Variants in CACNA1F observed in about 807,000 individuals in gnomAD.
CACNA1F encodes the protein calcium voltage-gated channel subunit alpha1 F, also known as voltage-dependent L-type calcium channel subunit alpha-1F.
In CACNA1F, 59 loss-of-function variants were observed where a neutral mutation model predicts 143.8. The observed-to-expected ratio is 0.41, with a 90% CI of 0.33 to 0.51. CACNA1F has a LOEUF of 0.51. Ranked by LOEUF, CACNA1F falls within the 20% of genes least tolerant of loss-of-function variation. The probability of loss-of-function intolerance (pLI) is 0.22; values close to 1 mark genes in which losing one functional copy is unlikely to be tolerated. For synonymous variants in CACNA1F, 643 were observed against 649.1 expected (o/e 0.99, Z 0.14); for missense variants, 1,411 against 1,647.5 (o/e 0.86, Z 2.48).
intron 14 of CACNA1F, among the ~76,000 whole-genome samples, chrX:49,224,113 G>A (rs1425869601): frequency 9.0e-6 from 1 of 110,994 alleles, no homozygotes; most frequent in Non-Finnish European, 1.9e-5. Context: ...GGATGGGGTT[G>A]TGATGTATTT....
In CACNA1F at chrX:49,224,788, C is replaced by T. The variant is rs200585761; in HGVS notation, c.1850G>A (p.Arg617His). ...PLGISVLRCV[R>H]LLRIFKVTRH... ...GGTGACCTTAAAGATCCTGAGGAGGCGCACACATCGGAGCACTGAGATGCC... is the reference window on the plus strand; with the variant it reads ...GGTGACCTTAAAGATCCTGAGGAGGTGCACACATCGGAGCACTGAGATGCC... Residue 617 changes from arginine to histidine, a missense_variant, in exon 14 of 48, where the codon CGC becomes CAC. This residue lies in a region of CACNA1F where 950 missense variants were observed against 1,128.1 expected (regional missense o/e 0.84). Transcript: ENST00000323022. 8.5e-6 allele frequency: 10 copies of T among 1,180,261 alleles called. No homozygotes were observed. The highest frequency in any genetic ancestry group is 2.4e-5 in the Admixed American group (1 of 41,832).
At chrX:49,224,023 C>T (rs1265485716) in intron 14 of CACNA1F, among the ~76,000 whole-genome samples, 1 of 111,333 alleles carries the variant, frequency 9.0e-6, no homozygotes, top group Non-Finnish European at 1.9e-5. Flanking sequence ...TGAGCCACCG[C>T]ATCCAGCCTA....
chrX:49,219,292 C>G, intron 21 of CACNA1F, 29 bp downstream of exon 21: 2 of 1,201,430 alleles, frequency 1.7e-6, no homozygotes, highest in Non-Finnish European at 2.2e-6. Context: ...AGTGTCCCCT[C>G]AGCTCCTAGC....
chrX:49,214,348 C>T, intron 29 of CACNA1F, 79 bp from the exon 30 acceptor site: 1 of 616,687 alleles, frequency 1.6e-6, no homozygotes, highest in Non-Finnish European at 2.8e-6. Context: ...CTGGCCTGGG[C>T]TGAGACGAGT....
Position 49,230,276 on chromosome X carries a change from A to G in CACNA1F, c.761T>C (p.Ile254Thr), listed in dbSNP as rs202029187. The G allele has an allele frequency of 1.0e-4, 120 of 1,205,765 alleles. No homozygotes were observed. The highest frequency in any genetic ancestry group is 2.4e-4 in the African/African-American group (14 of 57,192). ...TCGTCCAAGGAACAGCTCGAGCCCA[A>G]TGATGGCATAAATGATGATGACGAA... ...VLFVIIIYAI[I>T]GLELFLGRMH... The change falls in exon 6 of 48, where the codon ATT (isoleucine) becomes ACT (threonine). Residue 254 changes from isoleucine (I) to threonine (T), a missense_variant. Coordinates refer to ENST00000323022, the MANE Select transcript of CACNA1F (RefSeq NM_001256789.3).
chrX:49,210,948 G>A lies in CACNA1F; in HGVS notation c.4388+17C>T. 8.3e-7 allele frequency: 1 copy of A among 1,200,594 alleles called. No homozygotes were observed. The highest frequency in any genetic ancestry group is 1.1e-6 in the Non-Finnish European group (1 of 888,597). ...ACATTGTCCCCTGGATTCTAGGTAA[G>A]GGTATAGAGGGCATACTTGGCCCCA... On this transcript the variant is annotated intron_variant, in intron 37 of 47. Coordinates refer to ENST00000323022, the MANE Select transcript of CACNA1F (RefSeq NM_001256789.3).
chrX:49,209,639 G>T lies in CACNA1F; in HGVS notation c.4811C>A (p.Ser1604Tyr), dbSNP rs1557105726. The change falls in exon 41 of 48, where the codon TCC (serine) becomes TAC (tyrosine). Residue 1604 changes from serine (S) to tyrosine (Y), a missense_variant. This residue lies in a region of CACNA1F where 349 missense variants were observed against 350.2 expected (regional missense o/e 1.00). Coordinates refer to ENST00000323022, the MANE Select transcript of CACNA1F (RefSeq NM_001256789.3). ...LGNDAAPSTS[S>Y]ALQAGLRSLQ... ...CCCTGCCCCGAAGACCTGAAGGGCG[G>T]AAGAGGTGCTAGGGGCGGCGTCGTT... 3.3e-6 allele frequency: 4 copies of T among 1,211,558 alleles called. No homozygotes were observed. In the South Asian group the frequency reaches 5.3e-5, roughly 16 times the overall value.
chrX:49,231,229 G>T lies in CACNA1F; in HGVS notation c.354C>A (p.Asp118Glu). 1 of 1,162,916 alleles carries T rather than the reference G, an allele frequency of 8.6e-7. No individual in the cohort carries two copies. The highest frequency in any genetic ancestry group is 1.2e-6 in the Non-Finnish European group (1 of 868,580). ...ALGVYIPFPE[D>E]DSNTANHNLE... is the part of the protein sequence containing the mutation. The stretch of plus-strand genomic sequence containing the variant: ...GGTTGTGGTTGGCAGTGTTGGAGTC[G>T]TCCTCAGGGAAGGGGATGTAAACTC... The change falls in exon 3 of 48, where the codon GAC (aspartate) becomes GAA (glutamate). Residue 118 changes from aspartate to glutamate, a missense_variant. Around this residue, in one of 3 missense-constraint regions of CACNA1F, gnomAD observed 950 missense variants for 1,128.1 expected, o/e 0.84. Coordinates refer to ENST00000323022, the MANE Select transcript of CACNA1F (RefSeq NM_001256789.3).
rs2065832160 is a variant in CACNA1F, at chrX:49,226,978, T to A, written c.1268A>T (p.Asp423Val). The change falls in exon 9 of 48, where the codon GAC (aspartate) becomes GTC (valine). Residue 423 changes from aspartate to valine, a missense_variant. Coordinates refer to ENST00000323022, the MANE Select transcript of CACNA1F (RefSeq NM_001256789.3). ...ELDMEDPSAD[D>V]NLGPQLAELT... is the part of the protein sequence containing the mutation. ...CTCTTCAGCCATAGAACCAAGGTTG[T>A]CATCGGCGGAGGGGTCCTCCATGTC... The A allele has an allele frequency of 1.7e-6, 2 of 1,211,983 alleles. No homozygotes were observed. Among genetic ancestry groups the A allele is most frequent in the Non-Finnish European group, 2.2e-6 (2 of 895,482 alleles).
rs1242889737 is a variant in CACNA1F, at chrX:49,222,544, C to A, written c.2266G>T (p.Gly756Cys). 2 of 1,210,197 alleles carry A rather than the reference C, an allele frequency of 1.7e-6. No homozygotes were observed. Among genetic ancestry groups the A allele is most frequent in the Admixed American group, 4.3e-5 (2 of 45,978 alleles). Residue 756 changes from glycine (G) to cysteine (C), a missense_variant, in exon 17 of 48, where the codon GGC becomes TGC. By Grantham distance (159) the Gly-to-Cys change is radical. Transcript: ENST00000323022. ...AVDNLASGDA[G>C]TAKDKGGEKS... The stretch of plus-strand genomic sequence containing the variant: ...CACCCGCCCTTGTCCTTGGCAGTGC[C>A]TGCATCTCCACTGGCCAGGTTGTCC...
In CACNA1F at chrX:49,218,027, G is replaced by A. The variant is rs781989156; in HGVS notation, c.2929-22C>T. The A allele has an allele frequency of 4.5e-6, 5 of 1,099,615 alleles. 1 individual carries two copies. In the South Asian group the frequency reaches 9.2e-5, roughly 20 times the overall value. 90.6% of individuals were successfully genotyped at this position (1,099,615 alleles called of 1,213,427 possible). On this transcript the variant is annotated intron_variant, in intron 24 of 47. Transcript: ENST00000323022. Reference sequence around the variant, plus strand: ...CATGCTGCGGGCACCCAAGCATATGGCTACTGAACACTACAGGCCACAGTG... The same window carrying A: ...CATGCTGCGGGCACCCAAGCATATGACTACTGAACACTACAGGCCACAGTG...
At chrX:49,229,706 C>T (rs1351419200) in intron 6 of CACNA1F, among the ~76,000 whole-genome samples, 1 of 109,926 alleles carries the variant, frequency 9.1e-6, no homozygotes, top group Non-Finnish European at 1.9e-5. Flanking sequence ...GCAAGCTCCG[C>T]CTCCTGGGTT....
rs782208764 is a variant in CACNA1F at position 49,215,527 on chromosome X, T to A, written c.3253A>T (p.Ile1085Phe). 1 of 1,116,076 alleles carries A rather than the reference T, an allele frequency of 9.0e-7. No homozygotes were observed. The highest frequency in any genetic ancestry group is 1.8e-5 in the South Asian group (1 of 54,736). 92.0% of individuals were successfully genotyped at this position (1,116,076 alleles called of 1,213,427 possible). Residue 1085 changes from isoleucine to phenylalanine, a missense_variant, in exon 28 of 48, where the codon ATC becomes TTC. Transcript: ENST00000323022. The stretch of plus-strand genomic sequence containing the variant: ...CCGTGGTCCTCTGCATATGCATCGA[T>A]GGCCTTGTATAGCAGTCTGTGGGAG... ...EGWPALLYKAIDAYAEDHGPI... is the reference protein window; with the variant it reads ...EGWPALLYKAFDAYAEDHGPI...
Position 49,210,913 on chromosome X carries a change from G to A in CACNA1F, c.4388+52C>T. The stretch of plus-strand genomic sequence containing the variant: ...GGAGGTTTGGGGGCTAGGGGACTGT[G>A]TAGGGCAATACATTGTCCCCTGGAT... On this transcript the variant is annotated intron_variant, in intron 37 of 47. Coordinates refer to ENST00000323022, the MANE Select transcript of CACNA1F (RefSeq NM_001256789.3). 4 of 1,161,164 alleles carry A rather than the reference G, an allele frequency of 3.4e-6. No individual in the cohort carries two copies. In the South Asian group the frequency reaches 7.4e-5, roughly 22 times the overall value.
chrX:49,219,574 C>T, intron 20 of CACNA1F, 60 bp downstream of exon 20: 1 of 1,176,123 alleles, frequency 8.5e-7, no homozygotes, highest in South Asian at 1.9e-5. Context: ...GCTGCTCCTC[C>T]ATGCTCCTCC....
chrX:49,208,362 C>G (rs1386580898), intron 43 of CACNA1F, among the ~76,000 whole-genome samples, 153 bp downstream of exon 43: 1 of 111,328 alleles, frequency 9.0e-6, no homozygotes, highest in Non-Finnish European at 1.9e-5. Context: ...CTTACCTGAG[C>G]CCTTGAAACA....
chrX:49,221,164 G>T (rs782060029), intron 17 of CACNA1F, 84 bp from the exon 18 acceptor site: 2 of 809,554 alleles, frequency 2.5e-6, no homozygotes, highest in African/African-American at 4.1e-5. Context: ...GGGTCCCATA[G>T]AACTTTCTTG....
chrX:49,210,887 C>A, intron 37 of CACNA1F, 78 bp downstream of exon 37: 2 of 1,066,876 alleles, frequency 1.9e-6, no homozygotes, highest in Non-Finnish European at 2.6e-6. Context: ...ATGCAGCAGT[C>A]GGAGGTTTGG....
Position 49,219,728 on chromosome X carries a change from C to A in CACNA1F, c.2449G>T (p.Gly817Trp). The A allele has an allele frequency of 8.4e-7, 1 of 1,187,968 alleles. No individual in the cohort carries two copies. Among genetic ancestry groups the A allele is most frequent in the East Asian group, 3.0e-5 (1 of 32,816 alleles). ...EEEEEEEEGAGGVELLQEVVP... is the reference protein window; with the variant it reads ...EEEEEEEEGAWGVELLQEVVP... ...ACTTCCTGCAGGAGTTCCACACCCC[C>A]TGCACCCTCTTCCTCTTCTTCCTCT... is the stretch of plus-strand genomic sequence containing the variant. The change falls in exon 20 of 48, where the codon GGG (glycine) becomes TGG (tryptophan). Residue 817 changes from glycine (G) to tryptophan (W), a missense_variant. Gly to Trp is a radical substitution (Grantham distance 184). This residue lies in a region of CACNA1F where 950 missense variants were observed against 1,128.1 expected (regional missense o/e 0.84). Transcript: ENST00000323022.
Sources: gnomAD v4.1 joint callset for allele counts (sites outside exome capture counted in the v4.1 genomes callset) on GRCh38, gnomAD v4.1.1 for gene constraint, gnomAD v4.1.1 regional missense constraint, MANE v1.5 for transcripts, NCBI Gene and HGNC (gene_info 2026-07-23, HGNC 2026-07-21) for gene names.